Variants in MYPN observed in about 807,000 individuals in gnomAD.
MYPN encodes the protein sarcomeric protein myopalladin, 145 kDa (MYOP).
A neutral mutation model predicts 129.4 loss-of-function variants in MYPN; 63 were observed. The observed-to-expected ratio is 0.49, with a 90% CI of 0.40 to 0.60. The LOEUF (loss-of-function observed/expected upper bound fraction) is 0.60, where lower values mean the gene tolerates loss of function less well. MYPN is among the 20% of genes least tolerant of loss of function. The pLI, the probability that MYPN is intolerant of heterozygous loss-of-function variation, is 0.00. For missense variants in MYPN, 1,596 were observed against 1,635.4 expected, an observed-to-expected ratio of 0.98 and a Z score of 0.42; for synonymous variants, 629 against 600.9, an observed-to-expected ratio of 1.05 and a Z score of -0.68.
At chr10:68,175,678 T>C (rs1339456897) in intron 12 of MYPN, among the ~76,000 whole-genome samples, 1 of 152,178 alleles carries the variant, frequency 6.6e-6, no homozygotes, top group Non-Finnish European at 1.5e-5. Context: ...CTTGTTTACA[T>C]GTATTTACCC....
At chr10:68,121,154 T>A (rs1361434823) in intron 1 of MYPN, among the ~76,000 whole-genome samples, 1 of 152,144 alleles carries the variant, frequency 6.6e-6, no homozygotes, top group Non-Finnish European at 1.5e-5. Flanking sequence ...GGCACATGCC[T>A]GTAGTCCCAG....
intron 7 of MYPN, among the ~76,000 whole-genome samples, 158 bp from the exon 8 acceptor site, chr10:68,161,571 G>C (rs959692327): frequency 1.3e-5 from 2 of 151,172 alleles, no homozygotes; most frequent in South Asian, 2.1e-4. Flanking sequence ...TATCCATCCT[G>C]TCCCTGTTGA....
chr10:68,155,102 A>G (rs2042845881), intron 6 of MYPN, among the ~76,000 whole-genome samples: 1 of 152,020 alleles, frequency 6.6e-6, no homozygotes, highest in African/African-American at 2.4e-5. Flanking sequence ...AATCACTTGA[A>G]CCCAGGAAGT....
chr10:68,195,540 C>G lies in MYPN; in HGVS notation c.3158+8C>G, dbSNP rs771904235. On this transcript the variant is annotated splice_region_variant and intron_variant, in intron 15 of 19. Coordinates refer to ENST00000358913, the MANE Select transcript of MYPN (RefSeq NM_032578.4). ...TGCTGGTCAGTCTCACAGGTAAAGA[C>G]AGTAAGAATTCCCCCTCTCTAGGCC... The G allele has an allele frequency of 6.2e-7, 1 of 1,612,340 alleles. No homozygotes were observed. Among genetic ancestry groups the G allele is most frequent in the South Asian group, 1.1e-5 (1 of 91,040 alleles).
Position 68,091,853 on chromosome 10 carries a change from CA to C in MYPN, c.-2+3873del, listed in dbSNP as rs112883411. 6.4e-3 allele frequency among the ~76,000 whole-genome samples: 881 copies of C among 138,046 alleles called. 7 individuals are homozygous for C. Among genetic ancestry groups the C allele is most frequent in the South Asian group, 0.028 (122 of 4,418 alleles). 90.6% of individuals were successfully genotyped at this position (138,046 alleles called of 152,430 possible). Reference sequence around the variant, plus strand: ...AGAACTTTTTTTTTTAAAGTGCAGCCAAAAAAAAAAAATTACAAGAGAAAAA... The same window carrying C: ...AGAACTTTTTTTTTTAAAGTGCAGCCAAAAAAAAAAATTACAAGAGAAAAA... On this transcript the variant is annotated intron_variant, in intron 1 of 6. Coordinates refer to the MYPN transcript ENST00000685154.
chr10:68,142,618 C>G (rs2042594958), intron 2 of MYPN, among the ~76,000 whole-genome samples: 1 of 152,204 alleles, frequency 6.6e-6, no homozygotes, highest in African/African-American at 2.4e-5. Flanking sequence ...TGATAGGAAT[C>G]AGAAAGTCAT....
At chr10:68,203,465 T>C (rs2043752702) in intron 18 of MYPN, among the ~76,000 whole-genome samples, 1 of 148,934 alleles carries the variant, frequency 6.7e-6, no homozygotes, top group Admixed American at 6.8e-5. Context: ...GGCACACACC[T>C]GTAGTCCCAG....
intron 12 of MYPN, among the ~76,000 whole-genome samples, chr10:68,182,010 C>G (rs2134228949): frequency 1.3e-5 from 2 of 152,106 alleles, no homozygotes; most frequent in Non-Finnish European, 2.9e-5. Context: ...TCTTCTCCCT[C>G]CTGACTCTTG....
At chr10:68,126,911 A>G (rs1209203795) in intron 2 of MYPN, among the ~76,000 whole-genome samples, 1 of 152,228 alleles carries the variant, frequency 6.6e-6, no homozygotes, top group Non-Finnish European at 1.5e-5. Context: ...CTGACACAGT[A>G]TCTCTGTACT....
chr10:68,171,543 T>C (rs1392484852), intron 10 of MYPN, among the ~76,000 whole-genome samples: 1 of 152,174 alleles, frequency 6.6e-6, no homozygotes, highest in Non-Finnish European at 1.5e-5. Flanking sequence ...CCAGTAAAGT[T>C]TGAGAATGAC....
intron 1 of MYPN, among the ~76,000 whole-genome samples, chr10:68,099,639 C>CAA (rs397947044): frequency 1.0e-4 from 14 of 140,006 alleles, no homozygotes; most frequent in African/African-American, 1.8e-4. Flanking sequence ...GACTCTGTCT[C>CAA]AAAAAAAAAA....
intron 1 of MYPN, among the ~76,000 whole-genome samples, chr10:68,095,077 T>C (rs996665704): frequency 1.3e-5 from 2 of 151,946 alleles, no homozygotes; most frequent in African/African-American, 2.4e-5. Flanking sequence ...GAAGAAGATA[T>C]AAGGCACGAG....
rs1379161285 is a variant in MYPN at position 68,210,757 on chromosome 10, G to C, written c.*302G>C. 1 of 504,188 alleles carries C rather than the reference G, an allele frequency of 2.0e-6. No homozygotes were observed. Among genetic ancestry groups the C allele is most frequent in the Non-Finnish European group, 3.9e-6 (1 of 259,538 alleles). The allele number at this position is 504,188 out of a possible 1,614,324, so 31.2% of individuals were successfully genotyped here. ...AAACTAGCATGCTCCCCTGCTCCCT[G>C]TTGTGTTAGGGATGTTTAGGTCATA... On this transcript the variant is annotated 3_prime_UTR_variant, in exon 20 of 20. Coordinates refer to ENST00000358913, the MANE Select transcript of MYPN (RefSeq NM_032578.4).
intron 12 of MYPN, among the ~76,000 whole-genome samples, chr10:68,177,920 T>C (rs530075179): frequency 1.3e-5 from 2 of 152,336 alleles, no homozygotes; most frequent in Admixed American, 1.3e-4. Context: ...TACACTGTCC[T>C]AGAACATTTG....
Position 68,158,478 on chromosome 10 carries a change from C to A in MYPN, c.1318-8C>A. 1.2e-6 allele frequency: 2 copies of A among 1,613,006 alleles called. No homozygotes were observed. The highest frequency in any genetic ancestry group is 1.7e-6 in the Non-Finnish European group (2 of 1,179,090). ...TTTGTTCTAACTACATTCTTCTTATCATTATAGATGCTACAAAATTTGTCA... is the reference window on the plus strand; with the variant it reads ...TTTGTTCTAACTACATTCTTCTTATAATTATAGATGCTACAAAATTTGTCA... On this transcript the variant is annotated splice_polypyrimidine_tract_variant and splice_region_variant and intron_variant, in intron 6 of 19. Transcript: ENST00000358913.
intron 6 of MYPN, among the ~76,000 whole-genome samples, chr10:68,156,979 A>G (rs2042885926): frequency 6.6e-6 from 1 of 152,250 alleles, no homozygotes; most frequent in Admixed American, 6.5e-5. Flanking sequence ...AAAGCATTTC[A>G]TAATCACATG....
rs541891459 is a variant in MYPN, at chr10:68,210,859, C to T, written c.*404C>T. The T allele has an allele frequency of 2.2e-6, 1 of 456,944 alleles. No homozygotes were observed. The highest frequency in any genetic ancestry group is 2.0e-5 in the African/African-American group (1 of 50,202). 28.3% of individuals were successfully genotyped at this position (456,944 alleles called of 1,614,324 possible). On this transcript the variant is annotated 3_prime_UTR_variant, in exon 20 of 20. Coordinates refer to ENST00000358913, the MANE Select transcript of MYPN (RefSeq NM_032578.4). The stretch of plus-strand genomic sequence containing the variant: ...TGACCTTAGGATATGACTAACTCAC[C>T]AAACAATGCCAAGGAGAAAGGCGGA...
intron 2 of MYPN, among the ~76,000 whole-genome samples, chr10:68,140,472 G>A (rs368474795): frequency 1.2e-4 from 18 of 151,558 alleles, no homozygotes; most frequent in South Asian, 6.2e-4. Flanking sequence ...TAGTAAAAGC[G>A]TGTATAATCA....
At chr10:68,174,884 C>T (rs2043202925) in intron 11 of MYPN, among the ~76,000 whole-genome samples, 1 of 152,074 alleles carries the variant, frequency 6.6e-6, no homozygotes, top group Admixed American at 6.6e-5. Flanking sequence ...CCTGTAATCC[C>T]AGCACTTTGG....
Sources: allele counts gnomAD v4.1 joint callset (sites outside exome capture counted in the v4.1 genomes callset), GRCh38; gene constraint gnomAD v4.1.1; transcripts MANE v1.5; gene names NCBI Gene and HGNC (gene_info 2026-07-23, HGNC 2026-07-21).